GTF2F2: variants seen among roughly 807,000 people sequenced by gnomAD.
GTF2F2 encodes the protein general transcription factor IIF subunit 2.
Under a neutral mutation model 42.2 loss-of-function variants are expected in GTF2F2, and 23 were observed. The observed-to-expected ratio is 0.55, with a 90% CI of 0.39 to 0.77. GTF2F2 has a LOEUF of 0.77. Ranked by LOEUF, GTF2F2 falls within the 30% of genes least tolerant of loss-of-function variation. The probability of loss-of-function intolerance (pLI) is 0.00; values close to 1 mark genes in which losing one functional copy is unlikely to be tolerated. For synonymous variants in GTF2F2, 105 were observed against 100.8 expected (o/e 1.04, Z -0.25); for missense variants, 261 against 287.2 (o/e 0.91, Z 0.66).
intron 1 of GTF2F2, among the ~76,000 whole-genome samples, chr13:45,123,823 G>C (rs1868820912): frequency 6.7e-6 from 1 of 149,902 alleles, no homozygotes; most frequent in Non-Finnish European, 1.5e-5. Context: ...CTGAGCACAG[G>C]GGACTTTATT....
intron 5 of GTF2F2, among the ~76,000 whole-genome samples, chr13:45,244,397 C>G (rs1875480488): frequency 1.3e-5 from 2 of 152,136 alleles, no homozygotes; most frequent in South Asian, 2.1e-4. Flanking sequence ...AGGAAAAGTT[C>G]TTACCACAGT....
intron 5 of GTF2F2, among the ~76,000 whole-genome samples, chr13:45,213,325 C>T (rs773523543): frequency 2.6e-5 from 4 of 152,108 alleles, no homozygotes; most frequent in South Asian, 2.1e-4. Flanking sequence ...GTGATCCACC[C>T]GCCTCGGCCC....
intron 5 of GTF2F2, among the ~76,000 whole-genome samples, chr13:45,218,726 T>G (rs1180106119): frequency 1.3e-5 from 2 of 152,212 alleles, no homozygotes; most frequent in African/African-American, 4.8e-5. Flanking sequence ...GGGTCTCATT[T>G]AGGGAATTGA....
At chr13:45,144,851 GAT>G (rs1870116302) in intron 2 of GTF2F2, among the ~76,000 whole-genome samples, 1 of 152,290 alleles carries the variant, frequency 6.6e-6, no homozygotes, top group Non-Finnish European at 1.5e-5. Flanking sequence ...GTGTTATACT[GAT>G]AATATGATGA....
chr13:45,155,999 T>C (rs1593459727), intron 4 of GTF2F2, among the ~76,000 whole-genome samples: 1 of 152,296 alleles, frequency 6.6e-6, no homozygotes, highest in Middle Eastern at 3.4e-3. Flanking sequence ...AGAGGCAGTG[T>C]CTCACTGTGT....
chr13:45,228,100 A>T (rs1165363994), intron 5 of GTF2F2, among the ~76,000 whole-genome samples: 1 of 150,546 alleles, frequency 6.6e-6, no homozygotes. Flanking sequence ...GGCCAGACTT[A>T]CATTAGGCCT....
At chr13:45,240,101 A>ATTTTTTTTTTTTTTTTTTTT (rs34744288) in intron 5 of GTF2F2, among the ~76,000 whole-genome samples, 3 of 91,104 alleles carry the variant, frequency 3.3e-5, no homozygotes, top group African/African-American at 1.1e-4. Context: ...ATGTAGAGGG[A>ATTTTTTTTTTTTTTTTTTTT]TTTTTTTTTT....
At chr13:45,242,740 A>G (rs1053474420) in intron 5 of GTF2F2, among the ~76,000 whole-genome samples, 10 of 152,204 alleles carry the variant, frequency 6.6e-5, no homozygotes, top group Admixed American at 5.9e-4. Context: ...TTTGTGATCT[A>G]ATTGTCTAAC....
At chr13:45,162,153 G>A (rs1004950852) in intron 4 of GTF2F2, among the ~76,000 whole-genome samples, 1 of 152,158 alleles carries the variant, frequency 6.6e-6, no homozygotes, top group Non-Finnish European at 1.5e-5. Context: ...AGAAATATAT[G>A]TTAAAACAGT....
intron 5 of GTF2F2, among the ~76,000 whole-genome samples, chr13:45,248,425 T>C (rs1875737601): frequency 6.6e-6 from 1 of 152,078 alleles, no homozygotes; most frequent in Non-Finnish European, 1.5e-5. Flanking sequence ...TTGTTTTGTT[T>C]TGTTTTTTGT....
chr13:45,268,978 A>T (rs891824662), intron 7 of GTF2F2, among the ~76,000 whole-genome samples: 9 of 152,172 alleles, frequency 5.9e-5, no homozygotes, highest in African/African-American at 2.2e-4. Context: ...TAACCAGTGG[A>T]TGGACTTAAG....
chr13:45,281,505 A>G (rs774095421), intron 7 of GTF2F2, among the ~76,000 whole-genome samples: 1 of 152,264 alleles, frequency 6.6e-6, no homozygotes, highest in Non-Finnish European at 1.5e-5. Context: ...CAAAGATCCT[A>G]GAGTATCAGA....
chr13:45,129,877 G>A (rs944012334), intron 1 of GTF2F2, among the ~76,000 whole-genome samples: 1 of 152,262 alleles, frequency 6.6e-6, no homozygotes, highest in Non-Finnish European at 1.5e-5. Flanking sequence ...AATAGGGCAG[G>A]AAGGGACCTC....
rs375902202 is a variant in GTF2F2, at chr13:45,153,373, A to C, written c.304+1542A>C. On this transcript the variant is annotated intron_variant, in intron 4 of 7. Coordinates refer to ENST00000340473, the MANE Select transcript of GTF2F2 (RefSeq NM_004128.3). ...ATAGCTACATAAAATGATCTAAAAA[A>C]TTATTCTTTTTTTTCTTGGATGTAC... Among the ~76,000 whole-genome samples the C allele has an allele frequency of 1.3e-4, 20 of 152,228 alleles. No homozygotes were observed. The East Asian group carries it at 3.7e-3, about 28-fold the overall frequency.
intron 5 of GTF2F2, among the ~76,000 whole-genome samples, chr13:45,227,658 A>C (rs946841068): frequency 6.6e-6 from 1 of 152,250 alleles, no homozygotes; most frequent in African/African-American, 2.4e-5. Context: ...TTTAAAAGGA[A>C]TATAGATCAG....
At chr13:45,133,376 C>T (rs142286883) in intron 1 of GTF2F2, among the ~76,000 whole-genome samples, 5,322 of 152,222 alleles carry the variant, frequency 0.035, 271 homozygotes, top group African/African-American at 0.11. Context: ...GAGGCAGCAA[C>T]AGGCACAGCC....
intron 5 of GTF2F2, among the ~76,000 whole-genome samples, chr13:45,236,483 CCACACATACACACA>C (rs1874987803): frequency 7.8e-6 from 1 of 127,722 alleles, no homozygotes; most frequent in African/African-American, 3.7e-5. Flanking sequence ...TCACCCCCCG[CCACACATACACACA>C]CACACACACA....
intron 1 of GTF2F2, among the ~76,000 whole-genome samples, chr13:45,130,153 A>G (rs1428528808): frequency 5.3e-5 from 8 of 152,220 alleles, no homozygotes; most frequent in African/African-American, 1.9e-4. Context: ...GCTAGTAGCC[A>G]TGGAGAGGCA....
At chr13:45,263,701 A>T (rs958662328) in intron 6 of GTF2F2, 1 of 152,298 alleles carries the variant, frequency 6.6e-6, no homozygotes, top group African/African-American at 2.4e-5. Flanking sequence ...AAGGACAATA[A>T]CTACCATGGT....
Sources: gnomAD v4.1 joint callset for allele counts (sites outside exome capture counted in the v4.1 genomes callset) on GRCh38, gnomAD v4.1.1 for gene constraint, MANE v1.5 for transcripts, NCBI Gene and HGNC (gene_info 2026-07-23, HGNC 2026-07-21) for gene names.